The following CLECL1 variants were observed in gnomAD, a reference collection of about 807,000 sequenced individuals.
CLECL1 encodes C-type lectin like 1.
At chr12:9,706,433 T>C in the CLECL1 span, among the ~76,000 whole-genome samples, 1 of 152,346 alleles carries the variant, frequency 6.6e-6, no homozygotes, top group South Asian at 2.1e-4. Flanking sequence ...TTGTCTTGTG[T>C]CAGTCTTCAA....
At chr12:9,717,638 G>C (rs142291873), downstream of CLECL1, among the ~76,000 whole-genome samples, 4 of 152,326 alleles carry the variant, frequency 2.6e-5, no homozygotes, top group East Asian at 7.7e-4. Context: ...ATACAAGTGA[G>C]ATAATAGCTT....
At chr12:9,731,693 T>C (rs977650059) in intron 1 of CLECL1, among the ~76,000 whole-genome samples, 1 of 152,234 alleles carries the variant, frequency 6.6e-6, no homozygotes, top group Non-Finnish European at 1.5e-5. Context: ...TTAATCTTCA[T>C]ATAGTTCGTT....
chr12:9,712,561 C>A (rs10772062), downstream of CLECL1, among the ~76,000 whole-genome samples: 42,323 of 152,060 alleles, frequency 0.28, 6,506 homozygotes, highest in Middle Eastern at 0.43. Context: ...TTTTATTGCA[C>A]TAAATAAAAC....
At chr12:9,706,973 T>C in the CLECL1 span, among the ~76,000 whole-genome samples, 289 of 152,312 alleles carry the variant, frequency 1.9e-3, no homozygotes, top group Non-Finnish European at 2.4e-3. Flanking sequence ...TGTGAATCCA[T>C]CTGGTCCTGG....
exon 3 of CLECL1, chr12:9,716,466 G>C (rs1169035305): frequency 5.7e-6 from 1 of 174,148 alleles, no homozygotes; most frequent in Non-Finnish European, 1.2e-5. Flanking sequence ...ACTCAAACAG[G>C]GCACTGCAAC....
At chr12:9,730,517 GATT>G (rs1250658664) in intron 1 of CLECL1, among the ~76,000 whole-genome samples, 2 of 152,072 alleles carry the variant, frequency 1.3e-5, no homozygotes, top group East Asian at 1.9e-4. Context: ...TTTATGTGCT[GATT>G]ATTATTGCTA....
the CLECL1 span, among the ~76,000 whole-genome samples, chr12:9,710,161 A>G: frequency 5.3e-5 from 8 of 152,190 alleles, no homozygotes. Context: ...AATATTTGGC[A>G]CTAAATTCTT....
chr12:9,725,069 C>A (rs1480697639), intron 3 of CLECL1, among the ~76,000 whole-genome samples: 1 of 152,160 alleles, frequency 6.6e-6, no homozygotes, highest in East Asian at 1.9e-4. Flanking sequence ...TATTCTATAT[C>A]CAGTGAAAAA....
At chr12:9,731,276 CA>C (rs760060905) in intron 1 of CLECL1, among the ~76,000 whole-genome samples, 55 of 152,304 alleles carry the variant, frequency 3.6e-4, no homozygotes, top group Admixed American at 3.4e-3. Context: ...TTTATTTATT[CA>C]GCCATTTATA....
the CLECL1 span, among the ~76,000 whole-genome samples, chr12:9,705,957 C>A: frequency 6.6e-6 from 1 of 152,014 alleles, no homozygotes; most frequent in African/African-American, 2.4e-5. Flanking sequence ...CTGTAAGTTG[C>A]ATTGGGAAGT....
chr12:9,726,988 C>A (rs1334194433), intron 3 of CLECL1, among the ~76,000 whole-genome samples: 2 of 151,592 alleles, frequency 1.3e-5, no homozygotes, highest in East Asian at 3.8e-4. Flanking sequence ...ATAATTTGGA[C>A]ATGGTAAGTC....
At chr12:9,713,482 C>T (rs1016768345), downstream of CLECL1, among the ~76,000 whole-genome samples, 35 of 152,236 alleles carry the variant, frequency 2.3e-4, no homozygotes, top group Admixed American at 2.0e-3. Context: ...GGCCTGGTTT[C>T]GGGCCTGGTG....
chr12:9,721,840 G>A (rs1401899053), downstream of CLECL1, among the ~76,000 whole-genome samples: 2 of 152,144 alleles, frequency 1.3e-5, no homozygotes, highest in African/African-American at 4.8e-5. Flanking sequence ...GAGCCTTACA[G>A]TTTGACATTT....
rs779506004 is a variant in CLECL1, at chr12:9,732,968, C to T, written n.63G>A. 2.5e-5 allele frequency: 40 copies of T among 1,605,510 alleles called. No homozygotes were observed. The Admixed American group carries it at 4.2e-4, about 17-fold the overall frequency. On this transcript the variant is annotated non_coding_transcript_exon_variant, in exon 1 of 4. Coordinates refer to ENST00000621400, the Ensembl canonical transcript of CLECL1. ...GCTTACCAGATCTCTGAAGTGGAAA[C>T]GCGAGTTCTAACGGGGAAGTCCGAA...
At chr12:9,727,976 T>G (rs780592593) in intron 2 of CLECL1, among the ~76,000 whole-genome samples, 3 of 152,016 alleles carry the variant, frequency 2.0e-5, no homozygotes, top group Non-Finnish European at 3.0e-5. Flanking sequence ...TGTCCAGCTC[T>G]GGATATGACT....
upstream of CLECL1, among the ~76,000 whole-genome samples, chr12:9,734,258 G>A (rs1269697928): frequency 1.3e-5 from 2 of 152,136 alleles, no homozygotes; most frequent in African/African-American, 4.8e-5. Context: ...GTGGCATTTA[G>A]GGATCCCTCC....
intron 2 of CLECL1, among the ~76,000 whole-genome samples, chr12:9,728,671 T>A (rs898979261): frequency 2.0e-5 from 3 of 152,042 alleles, no homozygotes; most frequent in Non-Finnish European, 4.4e-5. Context: ...TAAAACATAA[T>A]GAAAAGTAGT....
chr12:9,722,374 A>T, downstream of CLECL1: 1 of 412,248 alleles, frequency 2.4e-6, no homozygotes, highest in Non-Finnish European at 3.9e-6. Flanking sequence ...TCAATTTCTT[A>T]AGTTTTAAAA....
intron 3 of CLECL1, among the ~76,000 whole-genome samples, chr12:9,725,900 G>A (rs1866373508): frequency 6.6e-6 from 1 of 152,026 alleles, no homozygotes; most frequent in African/African-American, 2.4e-5. Flanking sequence ...TATTGGTGCT[G>A]AGATTCTAAG....
Sources: gnomAD v4.1 joint callset for allele counts (sites outside exome capture counted in the v4.1 genomes callset) on GRCh38, gnomAD v4.1.1 for gene constraint, MANE v1.5 for transcripts, NCBI Gene and HGNC (gene_info 2026-07-23, HGNC 2026-07-21) for gene names.